The following SMIM21 variants were observed in gnomAD, a reference collection of about 807,000 sequenced individuals.
SMIM21 encodes small integral membrane protein 21, also known as chromosome 18 open reading frame 62.
Under a neutral mutation model 8.6 loss-of-function variants are expected in SMIM21, and 8 were observed. The ratio of observed to expected loss-of-function variants is 0.93; its 90% CI spans 0.55 to 1.68. The LOEUF (loss-of-function observed/expected upper bound fraction) is 1.68, where lower values mean the gene tolerates loss of function less well. SMIM21 is among the 40% of genes most tolerant of loss of function. SMIM21 has a pLI of 0.00. For synonymous variants in SMIM21, 43 were observed against 41.7 expected (o/e 1.03, Z -0.12); for missense variants, 132 against 123.0 (o/e 1.07, Z -0.35).
intron 2 of SMIM21, chr18:75,418,105 C>T: frequency 1.3e-5 from 5 of 398,062 alleles, no homozygotes; most frequent in African/African-American, 1.0e-4. Flanking sequence ...TGAGTGGGTG[C>T]TTTATTTTTA....
At chr18:75,413,822 A>G (rs1227239167) in intron 2 of SMIM21, among the ~76,000 whole-genome samples, 1 of 152,136 alleles carries the variant, frequency 6.6e-6, no homozygotes, top group Non-Finnish European at 1.5e-5. Context: ...CACCTTGTCT[A>G]CTTCAACACG....
intron 1 of SMIM21, among the ~76,000 whole-genome samples, chr18:75,423,241 A>T (rs2024728268): frequency 6.6e-6 from 1 of 152,188 alleles, no homozygotes; most frequent in South Asian, 2.1e-4. Context: ...GTTTCCCAAA[A>T]CAGCTGCTCC....
intron 1 of SMIM21, among the ~76,000 whole-genome samples, chr18:75,424,823 G>T (rs2024744765): frequency 6.6e-6 from 1 of 152,138 alleles, no homozygotes; most frequent in Non-Finnish European, 1.5e-5. Flanking sequence ...CCAGACTCAG[G>T]CTAAGGAGCA....
chr18:75,410,535 A>G lies in SMIM21; in HGVS notation c.*329T>C, dbSNP rs1006515437. ...AAAAGTTACAGCAGCAATTGAAAAT[A>G]TGACTACAGGCTTGATGTCCTAATG... On this transcript the variant is annotated 3_prime_UTR_variant, in exon 3 of 3. Coordinates refer to ENST00000579022, the MANE Select transcript of SMIM21 (RefSeq NM_001037331.3). 3 of 347,436 alleles carry G rather than the reference A, an allele frequency of 8.6e-6. No homozygotes were observed. Among genetic ancestry groups the G allele is most frequent in the East Asian group, 5.3e-5 (1 of 18,928 alleles). 21.5% of individuals were successfully genotyped at this position (347,436 alleles called of 1,614,324 possible). A position where few individuals can be genotyped will look rare whatever the true frequency, so the allele number is the denominator to read the frequency against.
At chr18:75,418,652 G>A (rs751977690) in intron 2 of SMIM21, 134 bp downstream of exon 2, 25 of 778,178 alleles carry the variant, frequency 3.2e-5, no homozygotes, top group Non-Finnish European at 4.7e-5. Flanking sequence ...CCCAGCATGT[G>A]CACTCTCCTA....
chr18:75,413,703 A>G (rs2024607203), intron 2 of SMIM21, among the ~76,000 whole-genome samples: 1 of 152,134 alleles, frequency 6.6e-6, no homozygotes, highest in South Asian at 2.1e-4. Context: ...AGGTTCTATG[A>G]CCCAGTCTCT....
At position 75,410,715 on chromosome 18, in the gene SMIM21, C is replaced by T; in HGVS notation, c.*149G>A. On this transcript the variant is annotated 3_prime_UTR_variant, in exon 3 of 3. Transcript: ENST00000579022. The stretch of plus-strand genomic sequence containing the variant: ...CAGACATTATCATTGCAAAAAGTTA[C>T]ACGTTCTTCATTCTCTCTGTGGAGC... 2 of 1,450,210 alleles carry T rather than the reference C, an allele frequency of 1.4e-6. No individual in the cohort carries two copies. Among genetic ancestry groups the T allele is most frequent in the Non-Finnish European group, 1.8e-6 (2 of 1,106,366 alleles). The allele number at this position is 1,450,210 out of a possible 1,614,324, so 89.8% of individuals were successfully genotyped here.
chr18:75,411,326 G>A (rs952103324), intron 2 of SMIM21, among the ~76,000 whole-genome samples: 4 of 152,216 alleles, frequency 2.6e-5, no homozygotes, highest in African/African-American at 9.6e-5. Context: ...CAGTCATAAT[G>A]TTCCCCTAAA....
intron 2 of SMIM21, among the ~76,000 whole-genome samples, chr18:75,413,964 CA>C (rs2024610946): frequency 6.6e-6 from 1 of 152,064 alleles, no homozygotes; most frequent in Non-Finnish European, 1.5e-5. Flanking sequence ...TCTTAGAAAA[CA>C]ATAGCAAAAA....
At chr18:75,422,977 A>G (rs2024725362) in intron 1 of SMIM21, among the ~76,000 whole-genome samples, 1 of 152,264 alleles carries the variant, frequency 6.6e-6, no homozygotes, top group South Asian at 2.1e-4. Flanking sequence ...CATGTTATTT[A>G]GAAACACTTT....
chr18:75,413,098 C>T (rs943473105), intron 2 of SMIM21, among the ~76,000 whole-genome samples: 1 of 152,010 alleles, frequency 6.6e-6, no homozygotes, highest in Non-Finnish European at 1.5e-5. Flanking sequence ...GGCTCCAGGC[C>T]TCCACGCTGA....
intron 2 of SMIM21, 79 bp downstream of exon 2, chr18:75,418,707 T>TA: frequency 7.3e-7 from 1 of 1,370,570 alleles, no homozygotes; most frequent in Non-Finnish European, 9.8e-7. Flanking sequence ...AGTTTTTTTT[T>TA]AACTGCTAAG....
At chr18:75,421,194 A>G (rs17057039) in intron 1 of SMIM21, among the ~76,000 whole-genome samples, 224 of 152,352 alleles carry the variant, frequency 1.5e-3, no homozygotes, top group African/African-American at 5.2e-3. Context: ...ACTTCCAGAA[A>G]TATCTAAAGT....
At chr18:75,422,467 T>C (rs2024719669) in intron 1 of SMIM21, among the ~76,000 whole-genome samples, 1 of 152,090 alleles carries the variant, frequency 6.6e-6, no homozygotes, top group African/African-American at 2.4e-5. Context: ...CATAGAGATA[T>C]ACCCAAGAGA....
chr18:75,418,815 G>A lies in SMIM21; in HGVS notation c.231C>T (p.Asp77=), dbSNP rs2024678319. 3.7e-6 allele frequency: 6 copies of A among 1,611,054 alleles called. No individual in the cohort carries two copies. Among genetic ancestry groups the A allele is most frequent in the Admixed American group, 3.3e-5 (2 of 59,792 alleles). ...NHSRIQGVSE[D]WKRANSIFRN... is the part of the protein sequence containing the mutation. ...GAAATATGCTGTTGGCCCTTTTCCAGTCTTCAGAAACCCCTTGTATCCTGC... is the reference window on the plus strand; with the variant it reads ...GAAATATGCTGTTGGCCCTTTTCCAATCTTCAGAAACCCCTTGTATCCTGC... The change falls in exon 2 of 3, where the codon GAC becomes GAT. Residue 77 remains aspartate (D), a synonymous_variant. Coordinates refer to ENST00000579022, the MANE Select transcript of SMIM21 (RefSeq NM_001037331.3).
At chr18:75,416,069 G>C (rs1404033469) in intron 2 of SMIM21, 1 of 152,172 alleles carries the variant, frequency 6.6e-6, no homozygotes, top group East Asian at 1.9e-4. Flanking sequence ...AAAGTGAAAT[G>C]GCATGGCCAA....
At position 75,410,560 on chromosome 18, in the gene SMIM21, G is replaced by C. The variant is rs2144540597; in HGVS notation, c.*304C>G. ...ATGACTACAGGCTTGATGTCCTAAT[G>C]AAGAAGTTCTTTGCACTGCTGGATC... On this transcript the variant is annotated 3_prime_UTR_variant, in exon 3 of 3. Transcript: ENST00000579022. 6.6e-6 allele frequency: 3 copies of C among 455,234 alleles called. No individual in the cohort carries two copies. The highest frequency in any genetic ancestry group is 6.2e-4 in the Middle Eastern group (1 of 1,608). The allele number at this position is 455,234 out of a possible 1,614,324, so 28.2% of individuals were successfully genotyped here.
intron 1 of SMIM21, among the ~76,000 whole-genome samples, chr18:75,425,907 C>T (rs1402421244): frequency 6.6e-6 from 1 of 152,134 alleles, no homozygotes; most frequent in East Asian, 1.9e-4. Flanking sequence ...GAGGTGGGGG[C>T]CCCTGCCTCT....
chr18:75,413,861 A>G (rs980159541), intron 2 of SMIM21, among the ~76,000 whole-genome samples: 1 of 152,194 alleles, frequency 6.6e-6, no homozygotes, highest in African/African-American at 2.4e-5. Flanking sequence ...ACAGGGATGA[A>G]TAAATTGTAG....
Sources: gnomAD v4.1 joint callset for allele counts (sites outside exome capture counted in the v4.1 genomes callset) on GRCh38, gnomAD v4.1.1 for gene constraint, MANE v1.5 for transcripts, NCBI Gene and HGNC (gene_info 2026-07-23, HGNC 2026-07-21) for gene names.